The following HNRNPA1L2 variants were observed in gnomAD, a reference collection of about 807,000 sequenced individuals.
HNRNPA1L2 encodes the protein heterogeneous nuclear ribonucleoprotein A1 like 2, also known as heterogeneous nuclear ribonucleoprotein A1-like 2.
In HNRNPA1L2, 10 loss-of-function variants were observed where a neutral mutation model predicts 18.2. The ratio of observed to expected loss-of-function variants is 0.55; its 90% CI spans 0.34 to 0.93. The LOEUF is 0.93. HNRNPA1L2 is among the 40% of genes least tolerant of loss of function. HNRNPA1L2 has a pLI of 0.02. For synonymous variants in HNRNPA1L2, 124 were observed against 138.6 expected, an observed-to-expected ratio of 0.89 and a Z score of 0.74; for missense variants, 308 against 394.4, an observed-to-expected ratio of 0.78 and a Z score of 1.85.
chr13:52,639,892 T>TTTTG (rs1961597305), upstream of HNRNPA1L2, among the ~76,000 whole-genome samples: 2 of 128,614 alleles, frequency 1.6e-5, no homozygotes, highest in African/African-American at 2.9e-5. Flanking sequence ...TTTTTTTTTT[T>TTTTG]TTTGTTTTTT....
chr13:52,641,690 T>G (rs1245499378), upstream of HNRNPA1L2: 1 of 152,166 alleles, frequency 6.6e-6, no homozygotes, highest in Non-Finnish European at 1.5e-5. Context: ...ATGTCAAGCC[T>G]TCAGTGGTTT....
chr13:52,633,086 T>C, the HNRNPA1L2 span, among the ~76,000 whole-genome samples: 1 of 152,232 alleles, frequency 6.6e-6, no homozygotes, highest in Non-Finnish European at 1.5e-5. Context: ...AGGTGAGTAC[T>C]ACTGATTACA....
chr13:52,631,587 A>G, the HNRNPA1L2 span, among the ~76,000 whole-genome samples: 1 of 152,214 alleles, frequency 6.6e-6, no homozygotes, highest in Non-Finnish European at 1.5e-5. Context: ...CTAGAGGAAA[A>G]CTTGTATGAC....
chr13:52,620,234 A>C, the HNRNPA1L2 span, among the ~76,000 whole-genome samples: 4 of 152,162 alleles, frequency 2.6e-5, no homozygotes, highest in Non-Finnish European at 5.9e-5. Flanking sequence ...GCTCACCTGC[A>C]TCAGAAGCAC....
At position 52,642,963 on chromosome 13, in the gene HNRNPA1L2, C is replaced by T. The variant is rs1394224018; in HGVS notation, c.471C>T (p.Asp157=). ...GFAFVTFDDH[D]SVDKIVIQKY... is the part of the protein sequence containing the mutation. ...CCTTTGTAACCTTTGACGACCATGACTCCGTGGATAAGATTGTCATTCAGA... is the reference window on the plus strand; with the variant it reads ...CCTTTGTAACCTTTGACGACCATGATTCCGTGGATAAGATTGTCATTCAGA... Residue 157 remains aspartate (D), a synonymous_variant, in exon 1 of 1, where the codon GAC becomes GAT. Transcript: ENST00000357495. 2 of 1,597,148 alleles carry T rather than the reference C, an allele frequency of 1.3e-6. No homozygotes were observed. The highest frequency in any genetic ancestry group is 1.7e-5 in the Admixed American group (1 of 59,996).
chr13:52,621,215 T>G, the HNRNPA1L2 span, among the ~76,000 whole-genome samples: 1 of 152,200 alleles, frequency 6.6e-6, no homozygotes, highest in Non-Finnish European at 1.5e-5. Context: ...TGTAATCATT[T>G]GTGGTGTTCT....
At chr13:52,626,122 T>TC in the HNRNPA1L2 span, among the ~76,000 whole-genome samples, 1 of 152,154 alleles carries the variant, frequency 6.6e-6, no homozygotes, top group Non-Finnish European at 1.5e-5. Flanking sequence ...CTATCAGATT[T>TC]TAGATCTTCC....
chr13:52,626,900 CT>C, the HNRNPA1L2 span, among the ~76,000 whole-genome samples: 1 of 152,138 alleles, frequency 6.6e-6, no homozygotes, highest in Non-Finnish European at 1.5e-5. Flanking sequence ...TTTGCCTGTT[CT>C]GGCACTTGAC....
At chr13:52,626,772 G>A in the HNRNPA1L2 span, among the ~76,000 whole-genome samples, 1 of 151,688 alleles carries the variant, frequency 6.6e-6, no homozygotes, top group Non-Finnish European at 1.5e-5. Flanking sequence ...AAATGGATAA[G>A]CCCATGTGAC....
upstream of HNRNPA1L2, chr13:52,642,066 T>G (rs1036690225): frequency 1.2e-5 from 2 of 164,590 alleles, no homozygotes; most frequent in African/African-American, 4.8e-5. Flanking sequence ...AAGGAGACCT[T>G]TCCCAGAATC....
chr13:52,638,550 A>G (rs569328850), upstream of HNRNPA1L2, among the ~76,000 whole-genome samples: 1 of 152,206 alleles, frequency 6.6e-6, no homozygotes, highest in East Asian at 1.9e-4. Flanking sequence ...TCTTACCACT[A>G]TTCTTAAAAT....
At chr13:52,622,593 T>C in the HNRNPA1L2 span, among the ~76,000 whole-genome samples, 4 of 152,240 alleles carry the variant, frequency 2.6e-5, no homozygotes, top group African/African-American at 9.6e-5. Flanking sequence ...ATTAACAATA[T>C]CATTTACATC....
the HNRNPA1L2 span, chr13:52,629,176 G>A: frequency 5.2e-5 from 8 of 154,446 alleles, no homozygotes; most frequent in South Asian, 1.4e-3. Context: ...GATCCTGGCT[G>A]TAGCTGAGAT....
the HNRNPA1L2 span, among the ~76,000 whole-genome samples, chr13:52,623,347 G>A: frequency 6.6e-6 from 1 of 152,130 alleles, no homozygotes. Flanking sequence ...TTCCAATTAG[G>A]CATGAGTGAG....
rs55734001 is a variant in HNRNPA1L2, at chr13:52,642,593, T to G, written c.101T>G (p.Phe34Cys). 3 of 1,611,882 alleles carry G rather than the reference T, an allele frequency of 1.9e-6. No individual in the cohort carries two copies. The highest frequency in any genetic ancestry group is 2.5e-6 in the Non-Finnish European group (3 of 1,179,860). ...ETTDESLRSH[F>C]EQWGTLTDCV... ...ACTGATGAGAGCCTGAGGAGCCATTTTGAGCAATGGGGAACGCTCACAGAC... is the reference window on the plus strand; with the variant it reads ...ACTGATGAGAGCCTGAGGAGCCATTGTGAGCAATGGGGAACGCTCACAGAC... Residue 34 changes from phenylalanine (F) to cysteine (C), a missense_variant, in exon 1 of 1, where the codon TTT (phenylalanine) becomes TGT (cysteine). Transcript: ENST00000357495.
chr13:52,642,847 C>T lies in HNRNPA1L2; in HGVS notation c.355C>T (p.His119Tyr). ...TGGCATTAAAGAAGACACTGAAGAA[C>T]ATCACCTAAGAGATTATTTTGAACA... is the stretch of plus-strand genomic sequence containing the variant. ...VGGIKEDTEEHHLRDYFEQYG... is the reference protein window; with the variant it reads ...VGGIKEDTEEYHLRDYFEQYG... Residue 119 changes from histidine (H) to tyrosine (Y), a missense_variant, in exon 1 of 1, where the codon CAT becomes TAT. Transcript: ENST00000357495. 1 of 1,596,500 alleles carries T rather than the reference C, an allele frequency of 6.3e-7. No individual in the cohort carries two copies. Among genetic ancestry groups the T allele is most frequent in the Non-Finnish European group, 8.5e-7 (1 of 1,179,590 alleles).
At chr13:52,622,607 AT>A in the HNRNPA1L2 span, among the ~76,000 whole-genome samples, 122 of 152,304 alleles carry the variant, frequency 8.0e-4, 1 homozygote, top group African/African-American at 2.9e-3. Flanking sequence ...TTACATCTTG[AT>A]TTGAAGGTAG....
the HNRNPA1L2 span, among the ~76,000 whole-genome samples, chr13:52,630,450 T>G: frequency 6.6e-6 from 1 of 152,086 alleles, no homozygotes; most frequent in Non-Finnish European, 1.5e-5. Context: ...CATTTTTGTA[T>G]TTTTAGTAGA....
the HNRNPA1L2 span, among the ~76,000 whole-genome samples, chr13:52,629,511 C>A: frequency 6.6e-6 from 1 of 152,298 alleles, no homozygotes; most frequent in South Asian, 2.1e-4. Flanking sequence ...CTGTATACCA[C>A]TTCCTAGAGA....
Sources: allele counts gnomAD v4.1 joint callset (sites outside exome capture counted in the v4.1 genomes callset), GRCh38; gene constraint gnomAD v4.1.1; transcripts MANE v1.5; gene names NCBI Gene and HGNC (gene_info 2026-07-23, HGNC 2026-07-21).